The following ARSG variants were observed in gnomAD, a reference collection of about 807,000 sequenced individuals.
The protein encoded by ARSG is arylsulfatase G.
A neutral mutation model predicts 50.5 loss-of-function variants in ARSG; 37 were observed. The observed-to-expected ratio is 0.73, with a 90% CI of 0.56 to 0.96. The LOEUF is 0.96. ARSG is among the 50% of genes least tolerant of loss of function. The pLI, the probability that ARSG is intolerant of heterozygous loss-of-function variation, is 0.00. For synonymous variants in ARSG, 225 were observed against 254.6 expected (o/e 0.88, Z 1.11); for missense variants, 629 against 675.3 (o/e 0.93, Z 0.76).
intron 1 of ARSG, among the ~76,000 whole-genome samples, chr17:68,298,959 A>G (rs1555759848): frequency 6.6e-6 from 1 of 152,202 alleles, no homozygotes; most frequent in Non-Finnish European, 1.5e-5. Flanking sequence ...TAGTTTATAA[A>G]AACATATTTC....
At chr17:68,379,336 G>T (rs763399254) in intron 8 of ARSG, among the ~76,000 whole-genome samples, 12 of 151,742 alleles carry the variant, frequency 7.9e-5, no homozygotes, top group Non-Finnish European at 1.2e-4. Context: ...GACCTCCGGG[G>T]CTCAAGCAAT....
At chr17:68,369,846 AAG>A (rs1236347566) in intron 7 of ARSG, among the ~76,000 whole-genome samples, 3 of 152,116 alleles carry the variant, frequency 2.0e-5, no homozygotes, top group Non-Finnish European at 4.4e-5. Context: ...ACAAAAAGGC[AAG>A]AGAGGAAAGA....
chr17:68,400,761 G>A (rs1414126193), intron 10 of ARSG, among the ~76,000 whole-genome samples: 1 of 152,152 alleles, frequency 6.6e-6, no homozygotes, highest in Non-Finnish European at 1.5e-5. Flanking sequence ...ATTTTGTTGT[G>A]GACTTTGCAA....
In ARSG at chr17:68,399,281, A is replaced by AC. The variant is rs2081377128; in HGVS notation, c.1213-2074dup. ...GCTGGCAAACTGACCACCCCCATCC[A>AC]CCCCCTTTGGAGGCTGTAGCTGTGC... On this transcript the variant is annotated intron_variant, in intron 10 of 11. Coordinates refer to ENST00000621439, the MANE Select transcript of ARSG (RefSeq NM_001267727.2). The surrounding 1 kb of genome is among the most constrained non-coding windows in gnomAD (Gnocchi z 4.6). Among the ~76,000 whole-genome samples, 1 of 151,432 alleles carries AC rather than the reference A, an allele frequency of 6.6e-6. No individual in the cohort carries two copies. Among genetic ancestry groups the AC allele is most frequent in the Non-Finnish European group, 1.5e-5 (1 of 67,860 alleles).
the ARSG span, among the ~76,000 whole-genome samples, chr17:68,437,893 T>C: frequency 8.2e-6 from 1 of 122,668 alleles, no homozygotes. Flanking sequence ...AGCAATTCCA[T>C]AGAAACCAAA....
At chr17:68,400,641 T>G (rs1300123447) in intron 10 of ARSG, 2 of 152,208 alleles carry the variant, frequency 1.3e-5, no homozygotes, top group Admixed American at 1.3e-4. Context: ...CTGTGACCGG[T>G]GCCCCCCACA....
chr17:68,392,616 C>G lies in ARSG; in HGVS notation c.1092-2457C>G, dbSNP rs1285909952. ...CCAGGTTCAAGCCATTCACCTGCCTCAGCCTCCCAAGTAGCTGGGATTACA... is the reference window on the plus strand; with the variant it reads ...CCAGGTTCAAGCCATTCACCTGCCTGAGCCTCCCAAGTAGCTGGGATTACA... On this transcript the variant is annotated intron_variant, in intron 9 of 11. Transcript: ENST00000621439. Among the ~76,000 whole-genome samples, 5 of 152,338 alleles carry G rather than the reference C, an allele frequency of 3.3e-5. No homozygotes were observed. In the East Asian group the frequency reaches 9.6e-4, roughly 29 times the overall value.
chr17:68,360,675 C>T (rs770071654), intron 6 of ARSG, among the ~76,000 whole-genome samples: 1 of 152,184 alleles, frequency 6.6e-6, no homozygotes. Context: ...GAAGGCATGA[C>T]TCCTGGGTCA....
At chr17:68,281,242 C>T (rs1419985083) in intron 1 of ARSG, among the ~76,000 whole-genome samples, 1 of 151,812 alleles carries the variant, frequency 6.6e-6, no homozygotes, top group Non-Finnish European at 1.5e-5. Flanking sequence ...AACATCTTAA[C>T]AGCAAAAAAA....
chr17:68,337,681 G>T (rs148156602), intron 2 of ARSG, among the ~76,000 whole-genome samples: 2 of 152,090 alleles, frequency 1.3e-5, no homozygotes, highest in East Asian at 3.9e-4. Context: ...GCAATGGCAC[G>T]GTCTCAGCTC....
intron 2 of ARSG, among the ~76,000 whole-genome samples, chr17:68,336,594 T>A (rs574612349): frequency 6.6e-6 from 1 of 152,318 alleles, no homozygotes; most frequent in East Asian, 1.9e-4. Context: ...GGCTCATGCC[T>A]GTAATCCCAG....
intron 2 of ARSG, among the ~76,000 whole-genome samples, chr17:68,330,989 G>A (rs958258927): frequency 7.1e-6 from 1 of 140,918 alleles, no homozygotes; most frequent in South Asian, 2.4e-4. Context: ...GGGGGGGGGG[G>A]GAGGTGGTGG....
chr17:68,261,697 T>G (rs1568395229), intron 1 of ARSG, among the ~76,000 whole-genome samples: 1 of 152,076 alleles, frequency 6.6e-6, no homozygotes, highest in East Asian at 1.9e-4. Context: ...ACAAGTACCA[T>G]TTTGAATAGG....
Position 68,380,195 on chromosome 17 carries a change from CTTCT to C in ARSG, c.983-4868_983-4865del, listed in dbSNP as rs530092061. ...AATTTTCTTTTTCCTTCCTTCCTTC[CTTCT>C]ACCTTCCTTCCTCCTTCCTTCCTTC... On this transcript the variant is annotated intron_variant, in intron 8 of 11. Transcript: ENST00000621439. 5.3e-5 allele frequency among the ~76,000 whole-genome samples: 8 copies of C among 151,452 alleles called. No individual in the cohort carries two copies. The East Asian group carries it at 1.6e-3, about 29-fold the overall frequency.
In ARSG at chr17:68,356,817, C is replaced by T; in HGVS notation, c.704+13C>T. On this transcript the variant is annotated intron_variant, in intron 6 of 11. Transcript: ENST00000621439. ...TCCAGCGTGCAAGGTGAGGAGTCTC[C>T]CTCCCTCCGCAGGGCCTCCCCCTGC... The T allele has an allele frequency of 6.2e-7, 1 of 1,614,048 alleles. No homozygotes were observed.
chr17:68,323,005 C>A (rs974390897), intron 2 of ARSG, among the ~76,000 whole-genome samples: 2 of 152,018 alleles, frequency 1.3e-5, no homozygotes, highest in South Asian at 4.2e-4. Context: ...AAGACCCCAT[C>A]TCTACAATAA....
chr17:68,273,956 T>C (rs1555750002), intron 1 of ARSG: 3 of 1,613,968 alleles, frequency 1.9e-6, no homozygotes, highest in South Asian at 1.1e-5. Flanking sequence ...GACGTACATA[T>C]GAGAAACCTC....
rs140873389 is a variant in ARSG, at chr17:68,354,846, A to G, written c.567-1821A>G. 1.5e-3 allele frequency among the ~76,000 whole-genome samples: 222 copies of G among 152,344 alleles called. 2 individuals are homozygous for G. The highest frequency in any genetic ancestry group is 5.1e-3 in the African/African-American group (212 of 41,576). On this transcript the variant is annotated intron_variant, in intron 5 of 11. Coordinates refer to ENST00000621439, the MANE Select transcript of ARSG (RefSeq NM_001267727.2). The stretch of plus-strand genomic sequence containing the variant: ...GCCACTGCACTTCAGCCTGGGCGAC[A>G]GAGTGAGACCCTGTGTCAAAAAAAC...
At chr17:68,339,066 A>G (rs1261618908) in intron 2 of ARSG, among the ~76,000 whole-genome samples, 1 of 152,170 alleles carries the variant, frequency 6.6e-6, no homozygotes, top group Non-Finnish European at 1.5e-5. Flanking sequence ...CTCTTTGAGC[A>G]TTCTCCACTC....
Sources: gnomAD v4.1 joint callset for allele counts (sites outside exome capture counted in the v4.1 genomes callset) on GRCh38, gnomAD v4.1.1 for gene constraint, Gnocchi (gnomAD v3.1) non-coding constraint, MANE v1.5 for transcripts, NCBI Gene and HGNC (gene_info 2026-07-23, HGNC 2026-07-21) for gene names.